The following MAML3 variants were observed in gnomAD, a reference collection of about 807,000 sequenced individuals.
The protein encoded by MAML3 is mastermind like transcriptional coactivator 3, also known as mastermind-like protein 3.
A neutral mutation model predicts 101.9 loss-of-function variants in MAML3; 27 were observed. The observed-to-expected ratio is 0.27, with a 90% confidence interval of 0.20 to 0.37. The LOEUF is 0.37. Ranked by LOEUF, MAML3 falls within the 10% of genes least tolerant of loss-of-function variation. The pLI is 1.00. For missense variants in MAML3, 1,316 were observed against 1,444.9 expected (o/e 0.91, Z 1.45); for synonymous variants, 501 against 555.9 (o/e 0.90, Z 1.39).
chr4:139,782,954 A>C lies in MAML3; in HGVS notation c.2080-52287T>G, dbSNP rs148885931. Among the ~76,000 whole-genome samples, 1,072 of 152,230 alleles carry C rather than the reference A, an allele frequency of 7.0e-3. 6 individuals carry two copies. Among genetic ancestry groups the C allele is most frequent in the Non-Finnish European group, 0.011 (731 of 68,028 alleles). On this transcript the variant is annotated intron_variant, in intron 2 of 4. Transcript: ENST00000509479. Reference sequence around the variant, plus strand: ...ATTTGCTGCCCTTTCCTATGCTCCAAATTTGGCTTTAGGCTGCCTATTTTC... The same window carrying C: ...ATTTGCTGCCCTTTCCTATGCTCCACATTTGGCTTTAGGCTGCCTATTTTC...
At chr4:139,723,950 A>G (rs1353427629) in intron 4 of MAML3, among the ~76,000 whole-genome samples, 1 of 152,230 alleles carries the variant, frequency 6.6e-6, no homozygotes, top group East Asian at 1.9e-4. Context: ...TGGTGCTTTC[A>G]GTGCAGGCTA....
At chr4:139,854,234 A>C (rs182643486) in intron 2 of MAML3, among the ~76,000 whole-genome samples, 1 of 151,998 alleles carries the variant, frequency 6.6e-6, no homozygotes, top group Non-Finnish European at 1.5e-5. Flanking sequence ...CTTTCAGTTC[A>C]GTGCCTGGCA....
chr4:139,854,440 T>C (rs1265654852), intron 2 of MAML3, among the ~76,000 whole-genome samples: 2 of 148,848 alleles, frequency 1.3e-5, no homozygotes, highest in Non-Finnish European at 3.0e-5. Flanking sequence ...TCTATGCTAA[T>C]TGTGATATCT....
chr4:140,122,835 C>T (rs1728630528), intron 1 of MAML3, among the ~76,000 whole-genome samples: 1 of 151,168 alleles, frequency 6.6e-6, no homozygotes, highest in Non-Finnish European at 1.5e-5. Flanking sequence ...CTAAAAGTGC[C>T]ATCATTTCTT....
Position 139,946,917 on chromosome 4 carries a change from ACACACACACTCTCTCTCT to A in MAML3, c.469-55968_469-55951del, listed in dbSNP as rs1332076795. Among the ~76,000 whole-genome samples the A allele has an allele frequency of 5.0e-3, 707 of 141,252 alleles. 4 individuals are homozygous for A. The highest frequency in any genetic ancestry group is 0.014 in the Middle Eastern group (4 of 290). The allele number at this position is 141,252 out of a possible 152,430, so 92.7% of individuals were successfully genotyped here. A position where few individuals can be genotyped will look rare whatever the true frequency, so the allele number is the denominator to read the frequency against. ...CACACACACACACACACACACACAC[ACACACACACTCTCTCTCT>A]CTCTCTCTCTCTCTCTCTTTAGAAA... On this transcript the variant is annotated intron_variant, in intron 1 of 4. Coordinates refer to ENST00000509479, the MANE Select transcript of MAML3 (RefSeq NM_018717.5).
chr4:139,730,838 A>G, intron 2 of MAML3, 171 bp from the exon 3 acceptor site: 2 of 627,098 alleles, frequency 3.2e-6, no homozygotes, highest in Admixed American at 2.9e-5. Flanking sequence ...ACCCGACCTT[A>G]CCTGAGTAGA....
intron 4 of MAML3, among the ~76,000 whole-genome samples, chr4:139,725,101 C>T (rs937529796): frequency 1.3e-5 from 2 of 152,138 alleles, no homozygotes; most frequent in Non-Finnish European, 2.9e-5. Flanking sequence ...GATATTTGAA[C>T]GGGCCTTCCA....
intron 1 of MAML3, among the ~76,000 whole-genome samples, chr4:140,010,036 C>T (rs1346352942): frequency 1.3e-5 from 2 of 152,140 alleles, no homozygotes; most frequent in East Asian, 3.8e-4. Context: ...TTGGGTGCTT[C>T]CACATCCAAA....
At chr4:140,090,936 G>C (rs1299153319) in intron 1 of MAML3, among the ~76,000 whole-genome samples, 1 of 152,122 alleles carries the variant, frequency 6.6e-6, no homozygotes, top group Non-Finnish European at 1.5e-5. Context: ...TGTAATTTCG[G>C]CTACTTGGAA....
chr4:140,029,553 T>A (rs994851800), intron 1 of MAML3, among the ~76,000 whole-genome samples: 3 of 152,174 alleles, frequency 2.0e-5, no homozygotes, highest in African/African-American at 7.2e-5. Context: ...ATAAATTTTT[T>A]AAAATAGGGA....
At chr4:139,748,342 C>T (rs555748047) in intron 2 of MAML3, among the ~76,000 whole-genome samples, 1 of 152,252 alleles carries the variant, frequency 6.6e-6, no homozygotes, top group South Asian at 2.1e-4. Context: ...TTCAGAGAAA[C>T]AGGCTCACAC....
chr4:139,805,648 G>T (rs1385188235), intron 2 of MAML3, among the ~76,000 whole-genome samples: 1 of 152,160 alleles, frequency 6.6e-6, no homozygotes, highest in African/African-American at 2.4e-5. Context: ...ACTGCATATT[G>T]TGAAGAAGTC....
At chr4:139,776,782 G>A (rs1022122820) in intron 2 of MAML3, among the ~76,000 whole-genome samples, 1 of 94,446 alleles carries the variant, frequency 1.1e-5, no homozygotes, top group Non-Finnish European at 2.4e-5. Flanking sequence ...CTTAGAAAAA[G>A]AGTGACATGT....
chr4:139,816,657 A>G (rs1730898042), intron 2 of MAML3, among the ~76,000 whole-genome samples: 2 of 151,994 alleles, frequency 1.3e-5, no homozygotes. Context: ...CTTTCAAGAC[A>G]CCACTGATGT....
At chr4:139,997,037 C>T (rs1734830362) in intron 1 of MAML3, among the ~76,000 whole-genome samples, 1 of 151,170 alleles carries the variant, frequency 6.6e-6, no homozygotes, top group South Asian at 2.1e-4. Context: ...AGTCTGGTGA[C>T]AGAGCAAGAC....
chr4:139,786,693 T>C (rs944282150), intron 2 of MAML3, among the ~76,000 whole-genome samples: 3 of 152,206 alleles, frequency 2.0e-5, no homozygotes, highest in Non-Finnish European at 4.4e-5. Flanking sequence ...ACAACAGTAC[T>C]GCCGTCACCG....
Position 139,853,261 on chromosome 4 carries a change from C to T in MAML3, c.2079+36096G>A, listed in dbSNP as rs918929487. Among the ~76,000 whole-genome samples, 3 of 152,204 alleles carry T rather than the reference C, an allele frequency of 2.0e-5. No individual in the cohort carries two copies. The East Asian group carries it at 5.8e-4, about 29-fold the overall frequency. ...GTACCATTTAAAAAGTTGCTCCTTT[C>T]CTCAAGATAATAGTATCCGTTTCCC... On this transcript the variant is annotated intron_variant, in intron 2 of 4. Coordinates refer to ENST00000509479, the MANE Select transcript of MAML3 (RefSeq NM_018717.5).
intron 1 of MAML3, among the ~76,000 whole-genome samples, chr4:139,946,925 ACTCTCTCTCT>A (rs869076388): frequency 1.8e-4 from 12 of 68,130 alleles, no homozygotes; most frequent in African/African-American, 4.7e-4. Context: ...ACACACACAC[ACTCTCTCTCT>A]CTCTCTCTCT....
At chr4:139,932,553 GT>G (rs916137849) in intron 1 of MAML3, among the ~76,000 whole-genome samples, 1 of 152,112 alleles carries the variant, frequency 6.6e-6, no homozygotes, top group Non-Finnish European at 1.5e-5. Flanking sequence ...CTTGTTAAGA[GT>G]TTTAAATGCC....
Sources: gnomAD v4.1 joint callset for allele counts (sites outside exome capture counted in the v4.1 genomes callset) on GRCh38, gnomAD v4.1.1 for gene constraint, MANE v1.5 for transcripts, NCBI Gene and HGNC (gene_info 2026-07-23, HGNC 2026-07-21) for gene names.